Variants in THADA observed in about 807,000 individuals in gnomAD.
THADA encodes tRNA (32-2'-O)-methyltransferase regulator THADA.
THADA carries 213 observed loss-of-function variants against 219.8 expected under a neutral mutation model. The ratio of observed to expected loss-of-function variants is 0.97; its 90% CI spans 0.87 to 1.09. The LOEUF (loss-of-function observed/expected upper bound fraction) is 1.09. THADA is among the 50% of genes least tolerant of loss of function. The probability of loss-of-function intolerance (pLI) is 0.00; values close to 1 mark genes in which losing one functional copy is unlikely to be tolerated. For missense variants in THADA, 2,956 were observed against 2,311.3 expected (o/e 1.28, Z -5.72); for synonymous variants, 1,018 against 828.9 (o/e 1.23, Z -3.92).
At chr2:43,361,422 G>A (rs1287442634) in intron 29 of THADA, among the ~76,000 whole-genome samples, 1 of 152,176 alleles carries the variant, frequency 6.6e-6, no homozygotes, top group South Asian at 2.1e-4. Context: ...CCTACATGTG[G>A]TTTCAATTCT....
At chr2:43,252,499 G>A (rs77533229) in intron 36 of THADA, among the ~76,000 whole-genome samples, 2,684 of 152,178 alleles carry the variant, frequency 0.018, 44 homozygotes, top group Non-Finnish European at 0.026. Context: ...CACAGTTTAG[G>A]ATTTGGGATT....
rs1234780875 is a variant in THADA, at chr2:43,539,145, T to C, written c.3264+2014A>G. Among the ~76,000 whole-genome samples the C allele has an allele frequency of 2.0e-5, 3 of 152,236 alleles. No individual in the cohort carries two copies. The East Asian group carries it at 5.8e-4, about 29-fold the overall frequency. On this transcript the variant is annotated intron_variant, in intron 21 of 37. Transcript: ENST00000405975. ...ATTCTCCCCTCTAACTAGGGTTGCA[T>C]TCTGCCTGCAAGTCACTTCACTGCC...
chr2:43,448,235 T>C (rs1681833989), intron 26 of THADA, among the ~76,000 whole-genome samples: 1 of 152,366 alleles, frequency 6.6e-6, no homozygotes, highest in East Asian at 1.9e-4. Flanking sequence ...CTGTAGTCTA[T>C]CTGAAGGATT....
At chr2:43,329,651 C>A (rs1046153076) in intron 30 of THADA, among the ~76,000 whole-genome samples, 1 of 152,100 alleles carries the variant, frequency 6.6e-6, no homozygotes, top group African/African-American at 2.4e-5. Context: ...AGTGACCTAG[C>A]CAAGACAAGG....
intron 24 of THADA, among the ~76,000 whole-genome samples, chr2:43,504,969 T>G (rs957461166): frequency 2.0e-5 from 3 of 152,206 alleles, no homozygotes; most frequent in Non-Finnish European, 4.4e-5. Flanking sequence ...CAGTACTTGA[T>G]AGTTATTAAT....
In THADA at chr2:43,352,224, T is replaced by C. The variant is rs567934785; in HGVS notation, c.4228-7987A>G. ...ACCGAGTTTTCTGAAAGAGAGAGTA[T>C]CAAGATCAACAAGAAACTCTTAATG... On this transcript the variant is annotated intron_variant, in intron 29 of 37. Transcript: ENST00000405975. Among the ~76,000 whole-genome samples the C allele has an allele frequency of 1.4e-3, 215 of 152,318 alleles. 1 individual carries two copies. The highest frequency in any genetic ancestry group is 2.7e-3 in the Non-Finnish European group (181 of 68,036).
chr2:43,400,457 TTATA>T (rs539798216), intron 28 of THADA, among the ~76,000 whole-genome samples: 67 of 89,916 alleles, frequency 7.5e-4, no homozygotes, highest in African/African-American at 2.5e-3. Flanking sequence ...ATAGACAAAT[TTATA>T]TATATATATA....
At chr2:43,539,000 C>T (rs1694960182) in intron 21 of THADA, among the ~76,000 whole-genome samples, 1 of 152,174 alleles carries the variant, frequency 6.6e-6, no homozygotes, top group South Asian at 2.1e-4. Context: ...ACATTCAAGT[C>T]ATCAAATTTC....
intron 15 of THADA, among the ~76,000 whole-genome samples, chr2:43,561,471 T>C (rs556520153): frequency 1.3e-5 from 2 of 152,102 alleles, no homozygotes; most frequent in Admixed American, 1.3e-4. Flanking sequence ...GGATGAAAAC[T>C]CAAGAACTGT....
chr2:43,531,781 G>T (rs1693905043), intron 21 of THADA, among the ~76,000 whole-genome samples: 1 of 152,064 alleles, frequency 6.6e-6, no homozygotes, highest in African/African-American at 2.4e-5. Context: ...ATGGATAATG[G>T]ATGTACAAAA....
chr2:43,446,515 G>A (rs905668027), intron 26 of THADA, among the ~76,000 whole-genome samples: 2 of 152,238 alleles, frequency 1.3e-5, no homozygotes, highest in African/African-American at 4.8e-5. Context: ...AGAAATGTGA[G>A]TGTGAAGCCA....
chr2:43,516,250 G>C (rs1691710800), intron 22 of THADA, among the ~76,000 whole-genome samples: 1 of 152,076 alleles, frequency 6.6e-6, no homozygotes, highest in Non-Finnish European at 1.5e-5. Context: ...TAAAAGATGA[G>C]ATCATGTCAC....
intron 26 of THADA, among the ~76,000 whole-genome samples, chr2:43,465,071 A>T (rs1021202314): frequency 2.0e-5 from 3 of 152,126 alleles, no homozygotes; most frequent in African/African-American, 4.8e-5. Context: ...CCTGCTTCTC[A>T]CTATCATGAG....
intron 36 of THADA, among the ~76,000 whole-genome samples, chr2:43,238,751 T>C (rs550102142): frequency 6.6e-6 from 1 of 152,282 alleles, no homozygotes; most frequent in South Asian, 2.1e-4. Flanking sequence ...AATGCTGTTA[T>C]AAATTCATAC....
At chr2:43,571,507 G>A (rs940874862) in intron 13 of THADA, among the ~76,000 whole-genome samples, 200 bp downstream of exon 13, 1 of 151,986 alleles carries the variant, frequency 6.6e-6, no homozygotes, top group Admixed American at 6.6e-5. Flanking sequence ...GGAGGGGTGC[G>A]TGCTTTTCAC....
intron 22 of THADA, among the ~76,000 whole-genome samples, chr2:43,522,419 A>G (rs1330696163): frequency 1.3e-5 from 2 of 152,304 alleles, no homozygotes; most frequent in African/African-American, 2.4e-5. Context: ...TGAATTACCA[A>G]TCAGAGGGCC....
intron 22 of THADA, among the ~76,000 whole-genome samples, chr2:43,519,566 C>A (rs1243428008): frequency 6.6e-6 from 1 of 152,200 alleles, no homozygotes; most frequent in Non-Finnish European, 1.5e-5. Context: ...GTCCTCACAT[C>A]CCTCTCTTAC....
chr2:43,349,772 T>C (rs542469251), intron 29 of THADA, among the ~76,000 whole-genome samples: 64 of 152,216 alleles, frequency 4.2e-4, no homozygotes, highest in Non-Finnish European at 7.8e-4. Context: ...AAACCTCAAA[T>C]TCTGAAGATT....
chr2:43,451,117 T>C (rs1682261122), intron 26 of THADA, among the ~76,000 whole-genome samples: 2 of 152,234 alleles, frequency 1.3e-5, no homozygotes, highest in South Asian at 4.1e-4. Context: ...ATGTGTATTT[T>C]ACCACAATAA....
Sources: allele counts gnomAD v4.1 joint callset (sites outside exome capture counted in the v4.1 genomes callset), GRCh38; gene constraint gnomAD v4.1.1; transcripts MANE v1.5; gene names NCBI Gene and HGNC (gene_info 2026-07-23, HGNC 2026-07-21).